Variants in TXNDC15 observed in about 807,000 individuals in gnomAD.
TXNDC15 encodes thioredoxin domain-containing protein 15.
In TXNDC15, 24 loss-of-function variants were observed where a neutral mutation model predicts 35.0. The observed-to-expected ratio is 0.68, with a 90% CI of 0.50 to 0.96. The LOEUF (loss-of-function observed/expected upper bound fraction) is 0.96, where lower values mean the gene tolerates loss of function less well. Among genes scored for constraint, TXNDC15 ranks in the 40% least tolerant of loss-of-function variants. TXNDC15 has a pLI of 0.00. For missense variants in TXNDC15, 385 were observed against 453.3 expected (o/e 0.85, Z 1.37); for synonymous variants, 169 against 174.0 (o/e 0.97, Z 0.23).
chr5:134,896,573 C>T (rs1750491866), intron 4 of TXNDC15, 149 bp downstream of exon 4: 1 of 892,528 alleles, frequency 1.1e-6, no homozygotes, highest in Admixed American at 2.6e-5. Flanking sequence ...CTGTTATGAT[C>T]CTGTTAAATA....
chr5:134,896,429 G>A lies in TXNDC15; in HGVS notation c.886+5G>A. Reference sequence around the variant, plus strand: ...TCTTCATTTTTAATCAGACAGGTATGTGGAAGTAATGTGCTGAGGAAGAAG... The same window carrying A: ...TCTTCATTTTTAATCAGACAGGTATATGGAAGTAATGTGCTGAGGAAGAAG... On this transcript the variant is annotated splice_donor_5th_base_variant and intron_variant, in intron 4 of 4. Transcript: ENST00000358387. 2.5e-6 allele frequency: 4 copies of A among 1,613,194 alleles called. No homozygotes were observed. Among genetic ancestry groups the A allele is most frequent in the Non-Finnish European group, 3.4e-6 (4 of 1,179,694 alleles).
chr5:134,895,138 G>A (rs1279600757), intron 3 of TXNDC15, among the ~76,000 whole-genome samples: 1 of 151,776 alleles, frequency 6.6e-6, no homozygotes, highest in African/African-American at 2.4e-5. Context: ...CCGTGATCCT[G>A]TCACTGCACT....
At chr5:134,880,438 T>G (rs1185746358) in intron 1 of TXNDC15, among the ~76,000 whole-genome samples, 1 of 149,478 alleles carries the variant, frequency 6.7e-6, no homozygotes, top group Non-Finnish European at 1.5e-5. Context: ...ATTTCACTTA[T>G]TATTTTTTTT....
intron 4 of TXNDC15, among the ~76,000 whole-genome samples, chr5:134,898,378 A>T (rs558127248): frequency 3.2e-4 from 48 of 152,318 alleles, no homozygotes; most frequent in African/African-American, 1.1e-3. Flanking sequence ...AAGCATTGTA[A>T]ATTGAAAAAA....
chr5:134,884,597 C>T (rs995732461), intron 1 of TXNDC15, among the ~76,000 whole-genome samples: 17 of 144,100 alleles, frequency 1.2e-4, no homozygotes, highest in Admixed American at 2.1e-4. Flanking sequence ...GACAGGGTCT[C>T]ACTCTTTCGC....
intron 4 of TXNDC15, among the ~76,000 whole-genome samples, chr5:134,899,244 A>T (rs911244591): frequency 2.6e-5 from 4 of 152,212 alleles, no homozygotes; most frequent in Non-Finnish European, 4.4e-5. Flanking sequence ...GAGTTCACAG[A>T]AATTCTAGTG....
At position 134,900,290 on chromosome 5, in the gene TXNDC15, T is replaced by C. The variant is rs1178008828; in HGVS notation, c.*605T>C. On this transcript the variant is annotated 3_prime_UTR_variant, in exon 5 of 5. Transcript: ENST00000358387. ...AGATGTTAGGAGAAAGGAAATGCTG[T>C]AACTAAAGCTCAATTATTATCAGTT... 1 of 152,324 alleles carries C rather than the reference T, an allele frequency of 6.6e-6. No individual in the cohort carries two copies. Among genetic ancestry groups the C allele is most frequent in the African/African-American group, 2.4e-5 (1 of 41,460 alleles). 9.4% of individuals were successfully genotyped at this position (152,324 alleles called of 1,614,324 possible).
At position 134,888,303 on chromosome 5, in the gene TXNDC15, A is replaced by T. The variant is rs535894918; in HGVS notation, c.591+121A>T. The T allele has an allele frequency of 5.5e-4, 560 of 1,021,714 alleles. 2 individuals carry two copies. The highest frequency in any genetic ancestry group is 2.6e-3 in the Middle Eastern group (8 of 3,056). 63.3% of individuals were successfully genotyped at this position (1,021,714 alleles called of 1,614,324 possible). A position where few individuals can be genotyped will look rare whatever the true frequency, so the allele number is the denominator to read the frequency against. ...TCATATTGTAAGCGAGATAGCATTT[A>T]ATGGCTGCTTCAGTGAAAATCAACT... On this transcript the variant is annotated intron_variant, in intron 2 of 4. Coordinates refer to ENST00000358387, the MANE Select transcript of TXNDC15 (RefSeq NM_024715.4).
At position 134,898,299 on chromosome 5, in the gene TXNDC15, T is replaced by G. The variant is rs182886590; in HGVS notation, c.887-1190T>G. Among the ~76,000 whole-genome samples the G allele has an allele frequency of 5.3e-5, 8 of 152,364 alleles. No homozygotes were observed. In the East Asian group the frequency reaches 1.3e-3, roughly 26 times the overall value. On this transcript the variant is annotated intron_variant, in intron 4 of 4. Transcript: ENST00000358387. ...TTCCATTTATTAATCCATTTGTAGA[T>G]GCTATCTTAGTTCCTTAATATTTGC...
intron 1 of TXNDC15, among the ~76,000 whole-genome samples, chr5:134,885,047 C>T (rs553654510): frequency 6.6e-5 from 10 of 152,016 alleles, no homozygotes; most frequent in East Asian, 5.8e-4. Context: ...CTCAGCCTAC[C>T]GAGTAGCTAA....
At position 134,882,982 on chromosome 5, in the gene TXNDC15, A is replaced by G. The variant is rs1239940743; in HGVS notation, c.104-4713A>G. ...CATCTCAGACATTGTAGTTATTATA[A>G]TTTACGTCTTTAAAAGTACGATTTG... On this transcript the variant is annotated intron_variant, in intron 1 of 4. Transcript: ENST00000358387. Among the ~76,000 whole-genome samples, 6 of 152,322 alleles carry G rather than the reference A, an allele frequency of 3.9e-5. No homozygotes were observed. In the East Asian group the frequency reaches 9.7e-4, roughly 25 times the overall value.
intron 1 of TXNDC15, among the ~76,000 whole-genome samples, chr5:134,884,811 A>G (rs985677165): frequency 2.0e-5 from 3 of 151,802 alleles, no homozygotes; most frequent in Non-Finnish European, 2.9e-5. Context: ...GATTATTCTC[A>G]TTATGTGTCC....
rs766089300 is a variant in TXNDC15 at position 134,893,503 on chromosome 5, T to C, written c.603T>C (p.Asp201=). The change falls in exon 3 of 5, where the codon GAT becomes GAC. Residue 201 remains aspartate, a synonymous_variant. Transcript: ENST00000358387. ...KILNMSQDLM[D]FLNPNGSDCT... ...TTCTTTTACCACAGGACCTTATGGA[T>C]TTTCTGAACCCAAACGGTAGTGACT... 1 of 1,614,212 alleles carries C rather than the reference T, an allele frequency of 6.2e-7. No individual in the cohort carries two copies. Among genetic ancestry groups the C allele is most frequent in the Non-Finnish European group, 8.5e-7 (1 of 1,180,038 alleles).
At chr5:134,886,342 G>A (rs1049553562) in intron 1 of TXNDC15, among the ~76,000 whole-genome samples, 5 of 152,198 alleles carry the variant, frequency 3.3e-5, no homozygotes, top group African/African-American at 7.2e-5. Context: ...ATCACCCAGC[G>A]GGTGGTTTCT....
At chr5:134,880,248 G>A (rs1750114870) in intron 1 of TXNDC15, among the ~76,000 whole-genome samples, 1 of 152,026 alleles carries the variant, frequency 6.6e-6, no homozygotes, top group Non-Finnish European at 1.5e-5. Context: ...GGAAAGAATT[G>A]TGTATATTTA....
chr5:134,875,486 A>G (rs1426527640), intron 1 of TXNDC15: 3 of 439,748 alleles, frequency 6.8e-6, no homozygotes, highest in African/African-American at 6.1e-5. Flanking sequence ...ATCTTTTGGA[A>G]TCTTTACTGT....
At chr5:134,874,653 G>A in intron 1 of TXNDC15, 123 bp downstream of exon 1, 1 of 773,944 alleles carries the variant, frequency 1.3e-6, no homozygotes, top group Non-Finnish European at 1.9e-6. Flanking sequence ...GTCTCCCCGG[G>A]CGCGTCTCCC....
intron 1 of TXNDC15, among the ~76,000 whole-genome samples, chr5:134,886,372 C>T (rs550117468): frequency 6.6e-6 from 1 of 152,234 alleles, no homozygotes; most frequent in Non-Finnish European, 1.5e-5. Context: ...GGTGAGCTTT[C>T]GTGAGGGCTG....
chr5:134,899,448 G>A (rs751879298), intron 4 of TXNDC15, 41 bp from the exon 5 acceptor site: 8 of 1,577,604 alleles, frequency 5.1e-6, no homozygotes, highest in East Asian at 4.5e-5. Context: ...TGTGGTGGGT[G>A]CTTTTTCTGC....
Sources: allele counts gnomAD v4.1 joint callset (sites outside exome capture counted in the v4.1 genomes callset), GRCh38; gene constraint gnomAD v4.1.1; transcripts MANE v1.5; gene names NCBI Gene and HGNC (gene_info 2026-07-23, HGNC 2026-07-21).